Variants in NRCAM observed in about 807,000 individuals in gnomAD.
NRCAM encodes NgCAM-related cell adhesion molecule.
A neutral mutation model predicts 156.5 loss-of-function variants in NRCAM; 83 were observed. The ratio of observed to expected loss-of-function variants is 0.53; its 90% CI spans 0.44 to 0.64. NRCAM has a LOEUF of 0.64. Among genes scored for constraint, NRCAM ranks in the 30% least tolerant of loss-of-function variants. The pLI, the probability that NRCAM is intolerant of heterozygous loss-of-function variation, is 0.00. For synonymous variants in NRCAM, 538 were observed against 563.9 expected (o/e 0.95, Z 0.65); for missense variants, 1,417 against 1,597.3 (o/e 0.89, Z 1.92).
intron 14 of NRCAM, among the ~76,000 whole-genome samples, chr7:108,197,550 AT>A (rs1319173120): frequency 6.6e-6 from 1 of 152,186 alleles, no homozygotes; most frequent in African/African-American, 2.4e-5. Flanking sequence ...TGTGACATGG[AT>A]AAAGGCCAAG....
intron 1 of NRCAM, among the ~76,000 whole-genome samples, chr7:108,436,957 T>C (rs898687532): frequency 7.9e-5 from 12 of 152,292 alleles, no homozygotes; most frequent in African/African-American, 2.6e-4. Flanking sequence ...TGAAGAGATA[T>C]CCGCATTCCC....
intron 2 of NRCAM, among the ~76,000 whole-genome samples, chr7:108,331,477 T>A (rs2099126024): frequency 6.6e-6 from 1 of 152,182 alleles, no homozygotes; most frequent in South Asian, 2.1e-4. Context: ...AATGTTATAG[T>A]TCTAAACACC....
chr7:108,290,944 T>C (rs1241712387), intron 3 of NRCAM, among the ~76,000 whole-genome samples: 2 of 152,162 alleles, frequency 1.3e-5, no homozygotes, highest in African/African-American at 4.8e-5. Flanking sequence ...TGCTGCCAGA[T>C]AAACAGCATT....
At chr7:108,172,403 C>T (rs978898981) in intron 28 of NRCAM, among the ~76,000 whole-genome samples, 6 of 152,108 alleles carry the variant, frequency 3.9e-5, no homozygotes, top group African/African-American at 1.4e-4. Flanking sequence ...TAAAACAATT[C>T]TCCTGCCTCC....
intron 3 of NRCAM, among the ~76,000 whole-genome samples, chr7:108,293,257 T>G (rs2098362023): frequency 6.6e-6 from 1 of 152,136 alleles, no homozygotes; most frequent in Admixed American, 6.5e-5. Flanking sequence ...AAAACTGTGC[T>G]TCTAATTGTC....
intron 2 of NRCAM, among the ~76,000 whole-genome samples, chr7:108,365,058 T>G (rs1303231167): frequency 1.3e-5 from 2 of 152,206 alleles, no homozygotes; most frequent in East Asian, 3.8e-4. Context: ...AAGCAGTAAT[T>G]ACATACCTAC....
At chr7:108,318,037 T>TC (rs1363013092) in intron 2 of NRCAM, among the ~76,000 whole-genome samples, 58 of 136,422 alleles carry the variant, frequency 4.3e-4, no homozygotes, top group African/African-American at 1.5e-3. Flanking sequence ...AATTCACTTT[T>TC]CCTTTTTTTT....
chr7:108,328,894 C>T (rs1216410600), intron 2 of NRCAM, among the ~76,000 whole-genome samples: 1 of 152,002 alleles, frequency 6.6e-6, no homozygotes, highest in African/African-American at 2.4e-5. Context: ...GTTTTTATTC[C>T]TTTTGACAAG....
chr7:108,271,003 T>C (rs2097325016), intron 3 of NRCAM, among the ~76,000 whole-genome samples: 1 of 152,236 alleles, frequency 6.6e-6, no homozygotes, highest in Non-Finnish European at 1.5e-5. Flanking sequence ...TACACTTAAG[T>C]GTTCCAGCTC....
intron 1 of NRCAM, among the ~76,000 whole-genome samples, chr7:108,426,922 A>G (rs1292076508): frequency 6.6e-6 from 1 of 152,214 alleles, no homozygotes; most frequent in Non-Finnish European, 1.5e-5. Flanking sequence ...ATTGAATCAA[A>G]GTCTGTTATT....
At chr7:108,171,407 GTCTTC>G (rs1284677481) in intron 28 of NRCAM, among the ~76,000 whole-genome samples, 9 of 152,120 alleles carry the variant, frequency 5.9e-5, no homozygotes, top group African/African-American at 2.2e-4. Context: ...CCATCTCAGG[GTCTTC>G]TCTTTTCCAC....
rs1017841436 is a variant in NRCAM, at chr7:108,150,003, T to G, written c.3822A>C (p.Gly1274=). Residue 1274 remains glycine (G), a synonymous_variant, in exon 33 of 33, where the codon GGA becomes GGC. Transcript: ENST00000379028. ...GQFNEDGSFI[G]QYSGKKEKEP... ...CTTTCTCTTTCTTACCACTGTATTGTCCAATAAAGGAGCCATCCTCATTGA... is the reference window on the plus strand; with the variant it reads ...CTTTCTCTTTCTTACCACTGTATTGGCCAATAAAGGAGCCATCCTCATTGA... The G allele has an allele frequency of 6.8e-6, 11 of 1,613,976 alleles. No individual in the cohort carries two copies. The highest frequency in any genetic ancestry group is 9.3e-6 in the Non-Finnish European group (11 of 1,179,972).
intron 1 of NRCAM, among the ~76,000 whole-genome samples, chr7:108,421,142 A>G (rs1809064421): frequency 6.6e-6 from 1 of 152,184 alleles, no homozygotes; most frequent in Non-Finnish European, 1.5e-5. Context: ...GTAGGTGCTT[A>G]GCGAAAAAAA....
intron 3 of NRCAM, among the ~76,000 whole-genome samples, chr7:108,267,511 T>A (rs1336431904): frequency 6.6e-6 from 1 of 152,206 alleles, no homozygotes; most frequent in Non-Finnish European, 1.5e-5. Context: ...CACGTGTCCG[T>A]ATAAAGGTAT....
intron 3 of NRCAM, among the ~76,000 whole-genome samples, chr7:108,276,656 T>A (rs2097638336): frequency 6.6e-6 from 1 of 152,166 alleles, no homozygotes; most frequent in African/African-American, 2.4e-5. Flanking sequence ...GTCTCCTGAA[T>A]ACAGCACAAT....
chr7:108,454,278 C>T (rs1181026793), intron 1 of NRCAM, among the ~76,000 whole-genome samples: 1 of 152,130 alleles, frequency 6.6e-6, no homozygotes, highest in African/African-American at 2.4e-5. Flanking sequence ...TAATGTATCT[C>T]CCTGGTTTTG....
intron 2 of NRCAM, among the ~76,000 whole-genome samples, chr7:108,349,414 G>T (rs150632428): frequency 2.6e-5 from 4 of 151,590 alleles, no homozygotes; most frequent in Non-Finnish European, 4.4e-5. Flanking sequence ...GACTACAGGC[G>T]CCTGCCACCA....
chr7:108,299,148 G>GAAAAAAAA (rs1563165051), intron 3 of NRCAM, among the ~76,000 whole-genome samples: 1 of 56,236 alleles, frequency 1.8e-5, no homozygotes, highest in Non-Finnish European at 3.7e-5. Context: ...GAAAAGAAAA[G>GAAAAAAAA]TAAAAAAAAA....
At chr7:108,413,237 GTGATATCTCACTGTGGTTTTAAT>G (rs759897555) in intron 1 of NRCAM, among the ~76,000 whole-genome samples, 30 of 152,152 alleles carry the variant, frequency 2.0e-4, no homozygotes, top group Non-Finnish European at 4.0e-4. Context: ...CAGGTGTGAG[GTGATATCTCACTGTGGTTTTAAT>G]TTACATTTCC....
Sources: gnomAD v4.1 joint callset for allele counts (sites outside exome capture counted in the v4.1 genomes callset) on GRCh38, gnomAD v4.1.1 for gene constraint, MANE v1.5 for transcripts, NCBI Gene and HGNC (gene_info 2026-07-23, HGNC 2026-07-21) for gene names.